TLE3: variants seen among roughly 807,000 people sequenced by gnomAD.
TLE3 encodes the protein transducin-like enhancer protein 3.
Under a neutral mutation model 93.0 loss-of-function variants are expected in TLE3, and 14 were observed. That is an observed-to-expected ratio of 0.15 (90% CI 0.10 to 0.24). TLE3 has a LOEUF of 0.24. TLE3 is among the 10% of genes least tolerant of loss of function. The probability of loss-of-function intolerance (pLI) is 1.00; values close to 1 mark genes in which losing one functional copy is unlikely to be tolerated. For missense variants in TLE3, 693 were observed against 1,046.6 expected (o/e 0.66, Z 4.66); for synonymous variants, 451 against 425.0 (o/e 1.06, Z -0.75).
At chr15:70,079,121 G>A (rs1201656582) in intron 4 of TLE3, among the ~76,000 whole-genome samples, 1 of 151,988 alleles carries the variant, frequency 6.6e-6, no homozygotes, top group Non-Finnish European at 1.5e-5. Context: ...ACAGCTGGGT[G>A]GCTCAGGGCA....
chr15:70,051,455 A>C lies in TLE3; in HGVS notation c.2138T>G (p.Val713Gly). The C allele has an allele frequency of 6.2e-7, 1 of 1,608,688 alleles. No homozygotes were observed. ...LKFAYCGKWF[V>G]STGKDNLLNA... ...GAGAAGGTTATCTTTCCCAGTGCTC[A>C]CGAACCACTTGCCTGCAGGTGGGAG... The change falls in exon 19 of 20, where the codon GTG (valine) becomes GGG (glycine). Residue 713 changes from valine (V) to glycine (G), a missense_variant. By Grantham distance (109) the Val-to-Gly change is moderately radical (BLOSUM62 -3). Transcript: ENST00000451782.
At chr15:70,072,367 C>T (rs193165431) in intron 6 of TLE3, among the ~76,000 whole-genome samples, 3 of 152,220 alleles carry the variant, frequency 2.0e-5, no homozygotes, top group East Asian at 1.9e-4. Flanking sequence ...CTGTGGCCAC[C>T]GCAGGGGTAG....
intron 4 of TLE3, among the ~76,000 whole-genome samples, chr15:70,085,404 C>G (rs1348736540): frequency 1.3e-5 from 2 of 152,220 alleles, no homozygotes; most frequent in Non-Finnish European, 2.9e-5. Context: ...CCAAGAAAAA[C>G]TGGCTTGCTG....
At chr15:70,065,987 C>A in intron 7 of TLE3, 27 bp downstream of exon 7, 1 of 1,575,998 alleles carries the variant, frequency 6.3e-7, no homozygotes, top group South Asian at 1.1e-5. Flanking sequence ...CTGCCCCGCC[C>A]CACCCTCTGC....
chr15:70,088,149 G>A (rs1399313778), intron 4 of TLE3, among the ~76,000 whole-genome samples: 2 of 152,196 alleles, frequency 1.3e-5, no homozygotes, highest in African/African-American at 2.4e-5. Context: ...GCAGCCCACT[G>A]ATTGTGCAAC....
chr15:70,097,461 C>G lies in TLE3; in HGVS notation c.-663G>C. ...CCGTCTGCTACTGCCGCTGCCGCCG[C>G]CGCCGCCGCCGCTGCAAGCCCTTCC... On this transcript the variant is annotated 5_prime_UTR_variant, in exon 1 of 20. Transcript: ENST00000451782. 2.4e-6 allele frequency: 1 copy of G among 417,120 alleles called. No individual in the cohort carries two copies. Among genetic ancestry groups the G allele is most frequent in the Non-Finnish European group, 4.2e-6 (1 of 238,160 alleles). The allele number at this position is 417,120 out of a possible 1,614,324, so 25.8% of individuals were successfully genotyped here. A position where few individuals can be genotyped will look rare whatever the true frequency, so the allele number is the denominator to read the frequency against.
intron 4 of TLE3, among the ~76,000 whole-genome samples, chr15:70,087,262 C>A (rs185589606): frequency 1.6e-4 from 24 of 152,298 alleles, no homozygotes; most frequent in African/African-American, 3.6e-4. Flanking sequence ...CCTCCCCAAC[C>A]CCAATTTGAG....
At chr15:70,092,095 T>C (rs1218276733) in intron 4 of TLE3, among the ~76,000 whole-genome samples, 2 of 151,910 alleles carry the variant, frequency 1.3e-5, no homozygotes, top group East Asian at 1.9e-4. Flanking sequence ...AGTCACTTGA[T>C]TGTGTGTGCC....
intron 4 of TLE3, among the ~76,000 whole-genome samples, chr15:70,082,476 A>G (rs928782236): frequency 6.6e-6 from 1 of 152,170 alleles, no homozygotes; most frequent in African/African-American, 2.4e-5. Context: ...TGGGAAATGT[A>G]GCCCCTCCCG....
intron 18 of TLE3, 134 bp from the exon 19 acceptor site, chr15:70,051,601 G>A (rs2055550110): frequency 1.8e-6 from 1 of 546,950 alleles, no homozygotes; most frequent in South Asian, 2.8e-5. Flanking sequence ...AATTTCGAGA[G>A]GCATTTTGCA....
chr15:70,071,923 C>T (rs1051909248), intron 6 of TLE3, among the ~76,000 whole-genome samples: 11 of 152,176 alleles, frequency 7.2e-5, no homozygotes, highest in African/African-American at 2.2e-4. Flanking sequence ...CTGCTCTCCT[C>T]GAGGAGGAGA....
At chr15:70,056,730 G>T (rs1446720479) in intron 13 of TLE3, among the ~76,000 whole-genome samples, 1 of 152,120 alleles carries the variant, frequency 6.6e-6, no homozygotes, top group African/African-American at 2.4e-5. Flanking sequence ...TCCTGAAAAA[G>T]GGCCCCTCTC....
chr15:70,057,624 G>T lies in TLE3; in HGVS notation c.1086C>A (p.Ser362Arg). The T allele has an allele frequency of 6.3e-7, 1 of 1,586,770 alleles. No homozygotes were observed. ...SALRTPISIT[S>R]SYAAPFAMMS... Reference sequence around the variant, plus strand: ...TCATGGCGAAGGGCGCCGCATAGGAGCTGGTGATGGAGATGGGCGTGCGCA... The same window carrying T: ...TCATGGCGAAGGGCGCCGCATAGGATCTGGTGATGGAGATGGGCGTGCGCA... The change falls in exon 13 of 20, where the codon AGC becomes AGA. Residue 362 changes from serine (S) to arginine (R), a missense_variant. Transcript: ENST00000451782.
At chr15:70,053,744 T>C (rs986363465) in intron 16 of TLE3, 2 of 181,514 alleles carry the variant, frequency 1.1e-5, no homozygotes, top group African/African-American at 4.7e-5. Flanking sequence ...ACGTGTGAGA[T>C]GACTGATAAA....
At chr15:70,090,233 T>G (rs539650994) in intron 4 of TLE3, among the ~76,000 whole-genome samples, 1 of 151,366 alleles carries the variant, frequency 6.6e-6, no homozygotes, top group Admixed American at 6.6e-5. Context: ...GACTCGTGAT[T>G]ACAGTCTGTT....
chr15:70,095,789 G>C, intron 2 of TLE3, 148 bp from the exon 3 acceptor site: 3 of 966,730 alleles, frequency 3.1e-6, no homozygotes, highest in Non-Finnish European at 4.5e-6. Context: ...GGACGCGGGG[G>C]GATTTGGGTC....
intron 4 of TLE3, among the ~76,000 whole-genome samples, chr15:70,086,555 T>C (rs1258100331): frequency 7.2e-5 from 11 of 152,224 alleles, no homozygotes; most frequent in Non-Finnish European, 1.2e-4. Context: ...AAAACACTAG[T>C]GGGAAGAGCT....
chr15:70,050,618 G>A, intron 19 of TLE3: 1 of 163,248 alleles, frequency 6.1e-6, no homozygotes, highest in South Asian at 1.7e-4. Context: ...GAAAAGGATT[G>A]CCACCTGATG....
Position 70,057,549 on chromosome 15 carries a change from G to T in TLE3, c.1161C>A (p.Ala387=). The T allele has an allele frequency of 6.2e-7, 1 of 1,603,754 alleles. No individual in the cohort carries two copies. Among genetic ancestry groups the T allele is most frequent in the Non-Finnish European group, 8.5e-7 (1 of 1,175,660 alleles). Residue 387 remains alanine (A), a synonymous_variant, in exon 13 of 20, where the codon GCC becomes GCA. Coordinates refer to ENST00000451782, the MANE Select transcript of TLE3 (RefSeq NM_001105192.3). ...NGSLTSPGAY[A]GLHNIPPQMS... is the part of the protein sequence containing the mutation. ...TCTGGGGTGGGATGTTGTGGAGGCC[G>T]GCGTAGGCGCCAGGACTGGTGAGGG...
Sources: gnomAD v4.1 joint callset for allele counts (sites outside exome capture counted in the v4.1 genomes callset) on GRCh38, gnomAD v4.1.1 for gene constraint, MANE v1.5 for transcripts, NCBI Gene and HGNC (gene_info 2026-07-23, HGNC 2026-07-21) for gene names.